Variants in ATG2B observed in about 807,000 individuals in gnomAD.
ATG2B encodes the protein autophagy-related protein 2 homolog B.
ATG2B carries 121 observed loss-of-function variants against 241.3 expected under a neutral mutation model. The observed-to-expected ratio is 0.50, with a 90% CI of 0.43 to 0.58. ATG2B has a LOEUF of 0.58. Ranked by LOEUF, ATG2B falls within the 20% of genes least tolerant of loss-of-function variation. The probability of loss-of-function intolerance (pLI) is 0.00; values close to 1 mark genes in which losing one functional copy is unlikely to be tolerated. For synonymous variants in ATG2B, 858 were observed against 876.6 expected, an observed-to-expected ratio of 0.98 and a Z score of 0.37; for missense variants, 2,306 against 2,491.6, an observed-to-expected ratio of 0.93 and a Z score of 1.59.
intron 29 of ATG2B, among the ~76,000 whole-genome samples, chr14:96,308,465 T>C (rs1887064118): frequency 7.0e-6 from 1 of 143,394 alleles, no homozygotes; most frequent in Non-Finnish European, 1.5e-5. Flanking sequence ...TCTAGCTTTT[T>C]TTTTTTTTTT....
intron 1 of ATG2B, among the ~76,000 whole-genome samples, chr14:96,349,931 G>A (rs1888269769): frequency 6.6e-6 from 1 of 152,188 alleles, no homozygotes; most frequent in African/African-American, 2.4e-5. Flanking sequence ...GCCAAGGCGG[G>A]AGGATCTTGA....
At position 96,289,537 on chromosome 14, in the gene ATG2B, T is replaced by G. The variant is rs574950168; in HGVS notation, c.6006+119A>C. 294 of 1,243,378 alleles carry G rather than the reference T, an allele frequency of 2.4e-4. No homozygotes were observed. The highest frequency in any genetic ancestry group is 2.9e-4 in the Middle Eastern group (1 of 3,478). The allele number at this position is 1,243,378 out of a possible 1,614,324, so 77.0% of individuals were successfully genotyped here. ...TATGGGCACATGTTATTAGTGGCAG[T>G]TGCCATTCTGCTCCCAGGGATTTCT... On this transcript the variant is annotated intron_variant, in intron 41 of 41. Transcript: ENST00000359933. The surrounding 1 kb of genome is among the most constrained non-coding windows in gnomAD (Gnocchi z 4.3).
Position 96,315,250 on chromosome 14 carries a change from C to A in ATG2B, c.3562-16G>T, listed in dbSNP as rs577794766. On this transcript the variant is annotated splice_polypyrimidine_tract_variant and intron_variant, in intron 22 of 41. Transcript: ENST00000359933. ...TGAGAAATTCCTATACAGAACAAGA[C>A]AAAGAATGACATTTACCACCTATGT... The A allele has an allele frequency of 1.9e-6, 3 of 1,608,970 alleles. No homozygotes were observed. In the South Asian group the frequency reaches 3.3e-5, roughly 18 times the overall value.
At position 96,315,138 on chromosome 14, in the gene ATG2B, A is replaced by G; in HGVS notation, c.3642+16T>C. 1.9e-6 allele frequency: 3 copies of G among 1,602,586 alleles called. No individual in the cohort carries two copies. The highest frequency in any genetic ancestry group is 2.6e-6 in the Non-Finnish European group (3 of 1,170,604). On this transcript the variant is annotated intron_variant, in intron 23 of 41. Coordinates refer to ENST00000359933, the MANE Select transcript of ATG2B (RefSeq NM_018036.7). ...AATTTTTAAATAAATTAATACATAT[A>G]TAACAGCTCTCTTACCTGCTCATGC...
chr14:96,280,623 C>CA lies in ATG2B; in HGVS notation c.*5131dup, dbSNP rs1487603246. On this transcript the variant is annotated 3_prime_UTR_variant, in exon 42 of 42. Transcript: ENST00000359933. Reference sequence around the variant, plus strand: ...GTATGTCTGGCCAGGCACGGTGGCTCATGCCTGTAATCCCAGCATTTTTGG... The same window carrying CA: ...GTATGTCTGGCCAGGCACGGTGGCTCAATGCCTGTAATCCCAGCATTTTTGG... 2 of 152,278 alleles carry CA rather than the reference C, an allele frequency of 1.3e-5. No individual in the cohort carries two copies. The highest frequency in any genetic ancestry group is 6.5e-5 in the Admixed American group (1 of 15,304). The allele number at this position is 152,278 out of a possible 1,614,324, so 9.4% of individuals were successfully genotyped here. A position where few individuals can be genotyped will look rare whatever the true frequency, so the allele number is the denominator to read the frequency against.
intron 37 of ATG2B, 78 bp downstream of exon 37, chr14:96,291,951 G>A: frequency 3.0e-6 from 3 of 1,011,434 alleles, no homozygotes; most frequent in Non-Finnish European, 1.5e-6. Context: ...CTATGACAAA[G>A]CAAAGTTAAA....
intron 1 of ATG2B, among the ~76,000 whole-genome samples, chr14:96,351,575 A>C (rs1397621987): frequency 1.3e-5 from 2 of 151,868 alleles, no homozygotes; most frequent in Admixed American, 6.5e-5. Context: ...GTCTCTACTA[A>C]AAGTACAAGA....
intron 33 of ATG2B, among the ~76,000 whole-genome samples, chr14:96,302,706 T>A (rs1192302443): frequency 6.6e-6 from 1 of 152,178 alleles, no homozygotes; most frequent in Non-Finnish European, 1.5e-5. Flanking sequence ...AAAATCAAAT[T>A]CTGTGAGGGA....
Position 96,317,856 on chromosome 14 carries a change from C to T in ATG2B, c.2880-1G>A. The T allele has an allele frequency of 1.3e-6, 2 of 1,583,620 alleles. No homozygotes were observed. The highest frequency in any genetic ancestry group is 1.2e-5 in the South Asian group (1 of 85,232). ...CCACAGTAGCAAGTCATTAAAGATC[C>T]TATAAAGACAAAAGTTGAAAAATAA... On this transcript the variant is annotated splice_acceptor_variant, in intron 18 of 41. Transcript: ENST00000359933. LOFTEE classifies it high-confidence loss of function.
In ATG2B at chr14:96,289,348, G is replaced by A. The variant is rs182051781; in HGVS notation, c.6006+308C>T. 6.4e-5 allele frequency: 15 copies of A among 235,726 alleles called. No individual in the cohort carries two copies. In the East Asian group the frequency reaches 1.5e-3, roughly 24 times the overall value. The allele number at this position is 235,726 out of a possible 1,614,324, so 14.6% of individuals were successfully genotyped here. On this transcript the variant is annotated intron_variant, in intron 41 of 41. Coordinates refer to ENST00000359933, the MANE Select transcript of ATG2B (RefSeq NM_018036.7). This position sits in a 1 kb window ranked among gnomAD's most constrained non-coding sequence, Gnocchi z 4.3. ...GCAAATCTGAGGTAAGCAGGGCAGAGTATAAATGTGTTAAACCTAGACAGC... is the reference window on the plus strand; with the variant it reads ...GCAAATCTGAGGTAAGCAGGGCAGAATATAAATGTGTTAAACCTAGACAGC...
In ATG2B at chr14:96,333,921, A is replaced by C. The variant is rs781494729; in HGVS notation, c.1022-48T>G. On this transcript the variant is annotated intron_variant, in intron 7 of 41. Coordinates refer to ENST00000359933, the MANE Select transcript of ATG2B (RefSeq NM_018036.7). ...CAAAACAGTAATTAAATTTGGAGTTAATTAAGCATTTCTTTCCCAAAACCC... is the reference window on the plus strand; with the variant it reads ...CAAAACAGTAATTAAATTTGGAGTTCATTAAGCATTTCTTTCCCAAAACCC... 1.9e-6 allele frequency: 3 copies of C among 1,544,434 alleles called. No homozygotes were observed. In the Admixed American group the frequency reaches 5.1e-5, roughly 26 times the overall value.
At chr14:96,320,129 C>T (rs1482983787) in intron 18 of ATG2B, among the ~76,000 whole-genome samples, 3 of 152,132 alleles carry the variant, frequency 2.0e-5, no homozygotes, top group African/African-American at 4.8e-5. Context: ...AAGCAGTCAG[C>T]TACCCAATTA....
intron 1 of ATG2B, among the ~76,000 whole-genome samples, chr14:96,349,067 T>C (rs796379793): frequency 3.9e-5 from 6 of 152,322 alleles, no homozygotes; most frequent in African/African-American, 1.4e-4. Context: ...GAACACATAA[T>C]AGAACCTAAC....
At position 96,317,610 on chromosome 14, in the gene ATG2B, A is replaced by G. The variant is rs117597199; in HGVS notation, c.3037+88T>C. On this transcript the variant is annotated intron_variant, in intron 19 of 41. Coordinates refer to ENST00000359933, the MANE Select transcript of ATG2B (RefSeq NM_018036.7). ...AAAATATAGTTACAATGAAACATAA[A>G]GATTTTTAAATCCACAATTCAAAGG... is the stretch of plus-strand genomic sequence containing the variant. The G allele has an allele frequency of 5.8e-3, 6,735 of 1,163,760 alleles. 20 individuals are homozygous for G. The highest frequency in any genetic ancestry group is 7.5e-3 in the Non-Finnish European group (6,253 of 839,186). 72.1% of individuals were successfully genotyped at this position (1,163,760 alleles called of 1,614,324 possible).
At chr14:96,354,009 C>T (rs944757833) in intron 1 of ATG2B, among the ~76,000 whole-genome samples, 1 of 152,074 alleles carries the variant, frequency 6.6e-6, no homozygotes, top group African/African-American at 2.4e-5. Flanking sequence ...AAGTTATTCT[C>T]TACAACTATT....
In ATG2B at chr14:96,332,391, T is replaced by C. The variant is rs548651302; in HGVS notation, c.1382A>G (p.Glu461Gly). The C allele has an allele frequency of 4.6e-5, 75 of 1,613,794 alleles. No individual in the cohort carries two copies. The East Asian group carries it at 1.6e-3, about 35-fold the overall frequency. Residue 461 changes from glutamate to glycine, a missense_variant, in exon 10 of 42, where the codon GAG becomes GGG. By Grantham distance (98) the Glu-to-Gly change is moderately conservative. Around this residue, in one of 2 missense-constraint regions of ATG2B, gnomAD observed 1,927 missense variants for 2,011.2 expected, o/e 0.96. Transcript: ENST00000359933. ...CTGTTCTTTATGATGATCAAGGAAC[T>C]CTCCCCAAGTGGGCTGAAGCTATAA... ...SATVLQPTWG[E>G]FLDHHKEQPV... is the part of the protein sequence containing the mutation.
chr14:96,330,209 G>A (rs530251606), intron 11 of ATG2B, among the ~76,000 whole-genome samples: 14 of 151,724 alleles, frequency 9.2e-5, no homozygotes, highest in Non-Finnish European at 1.9e-4. Flanking sequence ...AAAAAAAAAG[G>A]GGGGTGGAAG....
Position 96,285,716 on chromosome 14 carries a change from T to C in ATG2B, c.*39A>G, listed in dbSNP as rs758041780. On this transcript the variant is annotated 3_prime_UTR_variant, in exon 42 of 42. Coordinates refer to ENST00000359933, the MANE Select transcript of ATG2B (RefSeq NM_018036.7). This position sits in a 1 kb window ranked among gnomAD's most constrained non-coding sequence, Gnocchi z 4.2. Reference sequence around the variant, plus strand: ...TGCTGTCAGGACTCTGAGCTCCTGGTTCCACTCTCCTTATCTTCACACTGT... The same window carrying C: ...TGCTGTCAGGACTCTGAGCTCCTGGCTCCACTCTCCTTATCTTCACACTGT... 3 of 1,586,512 alleles carry C rather than the reference T, an allele frequency of 1.9e-6. No homozygotes were observed. The South Asian group carries it at 3.3e-5, about 18-fold the overall frequency.
intron 14 of ATG2B, among the ~76,000 whole-genome samples, chr14:96,327,685 T>C (rs1348399617): frequency 6.6e-6 from 1 of 152,208 alleles, no homozygotes; most frequent in Non-Finnish European, 1.5e-5. Flanking sequence ...GACTGGCATA[T>C]TTCTCGCCAT....
Sources: allele counts gnomAD v4.1 joint callset (sites outside exome capture counted in the v4.1 genomes callset), GRCh38; gene constraint gnomAD v4.1.1; regional missense constraint gnomAD v4.1.1; non-coding constraint Gnocchi (gnomAD v3.1); transcripts MANE v1.5; gene names NCBI Gene and HGNC (gene_info 2026-07-23, HGNC 2026-07-21).